SHC2: variants seen among roughly 807,000 people sequenced by gnomAD.
SHC2 encodes the protein SHC-transforming protein 2.
A neutral mutation model predicts 60.6 loss-of-function variants in SHC2; 62 were observed. The ratio of observed to expected loss-of-function variants is 1.02; its 90% confidence interval spans 0.83 to 1.26. The LOEUF is 1.26. Among genes scored for constraint, SHC2 ranks in the 50% most tolerant of loss-of-function variants. SHC2 has a pLI of 0.00. For synonymous variants in SHC2, 375 were observed against 372.4 expected, an observed-to-expected ratio of 1.01 and a Z score of -0.08; for missense variants, 873 against 822.2, an observed-to-expected ratio of 1.06 and a Z score of -0.76.
intron 4 of SHC2, among the ~76,000 whole-genome samples, 172 bp from the exon 5 acceptor site, chr19:436,855 C>A (rs1290862030): frequency 6.6e-6 from 1 of 152,096 alleles, no homozygotes; most frequent in Non-Finnish European, 1.5e-5. Flanking sequence ...CCTGGACGAC[C>A]GAGGCTGGGA....
intron 11 of SHC2, among the ~76,000 whole-genome samples, chr19:420,134 G>A (rs530833776): frequency 1.1e-4 from 17 of 152,172 alleles, no homozygotes; most frequent in Non-Finnish European, 2.2e-4. Context: ...TGACCCCAGC[G>A]ATCCATTTAA....
intron 1 of SHC2, among the ~76,000 whole-genome samples, chr19:455,513 C>T (rs1975321059): frequency 6.6e-6 from 1 of 152,222 alleles, no homozygotes; most frequent in East Asian, 1.9e-4. Flanking sequence ...GGGCCCACGC[C>T]GCTGATTATC....
Position 424,964 on chromosome 19 carries a change from G to A in SHC2, c.1309+133C>T. The A allele has an allele frequency of 9.8e-7, 1 of 1,016,472 alleles. No individual in the cohort carries two copies. The highest frequency in any genetic ancestry group is 2.9e-5 in the East Asian group (1 of 34,254). The allele number at this position is 1,016,472 out of a possible 1,614,324, so 63.0% of individuals were successfully genotyped here. ...TCCCCGTCCCACCCGTCGACTTGAA[G>A]GATCTCACGGGGAGAAGGGAGCCTC... On this transcript the variant is annotated intron_variant, in intron 10 of 12. Coordinates refer to ENST00000264554, the MANE Select transcript of SHC2 (RefSeq NM_012435.3). This position sits in a 1 kb window ranked among gnomAD's most constrained non-coding sequence, Gnocchi z 4.5.
chr19:436,110 C>G (rs1396733619), intron 7 of SHC2, 55 bp downstream of exon 7: 2 of 1,588,896 alleles, frequency 1.3e-6, no homozygotes, highest in African/African-American at 2.7e-5. Context: ...AGGCTCTGCA[C>G]CTGGGCAGGT....
chr19:422,573 G>T lies in SHC2; in HGVS notation c.1310-117C>A. ...GTCCCTCGTGCACCCGTCGGCCTGC[G>T]CTGACCGAGCGCCCACAGCGTATCA... On this transcript the variant is annotated intron_variant, in intron 10 of 12. Transcript: ENST00000264554. This position sits in a 1 kb window ranked among gnomAD's most constrained non-coding sequence, Gnocchi z 5.0. 1.2e-6 allele frequency: 1 copy of T among 829,196 alleles called. No individual in the cohort carries two copies. The highest frequency in any genetic ancestry group is 1.8e-6 in the Non-Finnish European group (1 of 541,626). The allele number at this position is 829,196 out of a possible 1,614,324, so 51.4% of individuals were successfully genotyped here. A position where few individuals can be genotyped will look rare whatever the true frequency, so the allele number is the denominator to read the frequency against.
Position 446,153 on chromosome 19 carries a change from C to T in SHC2, c.469-5221G>A, listed in dbSNP as rs1023526879. ...CAGCCGAGGACACCAAGGCCGGCCCCCAGGCACCAGACACGGGAGAGAGGC... is the reference window on the plus strand; with the variant it reads ...CAGCCGAGGACACCAAGGCCGGCCCTCAGGCACCAGACACGGGAGAGAGGC... On this transcript the variant is annotated intron_variant, in intron 1 of 12. Transcript: ENST00000264554. This position sits in a 1 kb window ranked among gnomAD's most constrained non-coding sequence, Gnocchi z 5.4. Among the ~76,000 whole-genome samples, 7 of 152,124 alleles carry T rather than the reference C, an allele frequency of 4.6e-5. No individual in the cohort carries two copies. Among genetic ancestry groups the T allele is most frequent in the African/African-American group, 1.7e-4 (7 of 41,408 alleles).
chr19:455,321 G>A (rs1022664462), intron 1 of SHC2, among the ~76,000 whole-genome samples: 9 of 152,194 alleles, frequency 5.9e-5, no homozygotes, highest in Non-Finnish European at 1.3e-4. Flanking sequence ...AAGGGCTCTC[G>A]GGCAGCTCTT....
At chr19:447,463 G>A (rs530047405) in intron 1 of SHC2, among the ~76,000 whole-genome samples, 5 of 152,334 alleles carry the variant, frequency 3.3e-5, no homozygotes, top group African/African-American at 1.2e-4. Context: ...TAGGGTATGC[G>A]AATTATATCT....
intron 8 of SHC2, among the ~76,000 whole-genome samples, chr19:431,308 G>C (rs1974585229): frequency 6.6e-6 from 1 of 151,496 alleles, no homozygotes; most frequent in African/African-American, 2.4e-5. Flanking sequence ...GTGAGAGTTA[G>C]AGGAGGCCGG....
At chr19:452,704 T>C (rs1438026248) in intron 1 of SHC2, among the ~76,000 whole-genome samples, 1 of 152,182 alleles carries the variant, frequency 6.6e-6, no homozygotes, top group African/African-American at 2.4e-5. Flanking sequence ...ATGCTTGCTA[T>C]AAATAGTGGT....
At chr19:460,037 A>G (rs1050140608) in intron 1 of SHC2, among the ~76,000 whole-genome samples, 7 of 152,342 alleles carry the variant, frequency 4.6e-5, no homozygotes, top group African/African-American at 1.7e-4. Context: ...GTAAATAAAC[A>G]AAGGCCGCTT....
chr19:454,790 CA>C (rs67330354), intron 1 of SHC2, among the ~76,000 whole-genome samples: 76,791 of 145,804 alleles, frequency 0.53, 19,924 homozygotes, highest in Non-Finnish European at 0.58. Context: ...AACTCTGTCT[CA>C]AAAAAAAAAA....
rs76217542 is a variant in SHC2, at chr19:425,370, C to A, written c.1175-139G>T. The A allele has an allele frequency of 0.038, 25,396 of 666,146 alleles. 1,803 individuals are homozygous for A. Among genetic ancestry groups the A allele is most frequent in the East Asian group, 0.29 (8,545 of 29,200 alleles). 41.3% of individuals were successfully genotyped at this position (666,146 alleles called of 1,614,324 possible). A position where few individuals can be genotyped will look rare whatever the true frequency, so the allele number is the denominator to read the frequency against. On this transcript the variant is annotated intron_variant, in intron 9 of 12. Transcript: ENST00000264554. This position sits in a 1 kb window ranked among gnomAD's most constrained non-coding sequence, Gnocchi z 4.1. ...GCAGGGCGGATGCTGCTCTGGTCTC[C>A]CTGTGGTAACCCGCCCGTCTGCAGG...
intron 9 of SHC2, among the ~76,000 whole-genome samples, chr19:427,344 G>A (rs901510914): frequency 2.0e-5 from 3 of 152,230 alleles, no homozygotes; most frequent in Non-Finnish European, 4.4e-5. Context: ...GGCAGTTCCC[G>A]GCTCAGCATG....
rs1046509894 is a variant in SHC2, at chr19:446,308, T to G, written c.469-5376A>C. Among the ~76,000 whole-genome samples, 5 of 152,154 alleles carry G rather than the reference T, an allele frequency of 3.3e-5. 1 individual carries two copies. Among genetic ancestry groups the G allele is most frequent in the Middle Eastern group, 6.8e-3 (2 of 294 alleles). The stretch of plus-strand genomic sequence containing the variant: ...GTGTGTGTGTGTTTTGTTTTGTTTT[T>G]GGGGTTTTTGTTTGTTTGTTTGAGA... On this transcript the variant is annotated intron_variant, in intron 1 of 12. Coordinates refer to ENST00000264554, the MANE Select transcript of SHC2 (RefSeq NM_012435.3). The surrounding 1 kb of genome is among the most constrained non-coding windows in gnomAD (Gnocchi z 5.4).
In SHC2 at chr19:436,106, T is replaced by C. The variant is rs958429729; in HGVS notation, c.953+59A>G. On this transcript the variant is annotated intron_variant, in intron 7 of 12. Transcript: ENST00000264554. ...GGCCTGCAGGAGGTGGAGCAGGCTC[T>C]GCACCTGGGCAGGTCACTGGGGGTG... 1.9e-6 allele frequency: 3 copies of C among 1,580,160 alleles called. No individual in the cohort carries two copies. In the African/African-American group the frequency reaches 4.0e-5, roughly 21 times the overall value.
At chr19:447,090 G>A (rs528718297) in intron 1 of SHC2, among the ~76,000 whole-genome samples, 2 of 152,300 alleles carry the variant, frequency 1.3e-5, no homozygotes, top group South Asian at 4.1e-4. Flanking sequence ...ATCTATCAAC[G>A]GATGAACTGA....
chr19:450,175 GA>G (rs1430460467), intron 1 of SHC2, among the ~76,000 whole-genome samples: 2 of 152,158 alleles, frequency 1.3e-5, no homozygotes, highest in South Asian at 2.1e-4. Context: ...GGCGCTACAG[GA>G]GGGGGGGGAC....
At position 438,826 on chromosome 19, in the gene SHC2, C is replaced by T; in HGVS notation, c.612G>A (p.Lys204=). 6.4e-7 allele frequency: 1 copy of T among 1,568,292 alleles called. No homozygotes were observed. Among genetic ancestry groups the T allele is most frequent in the Non-Finnish European group, 8.6e-7 (1 of 1,157,720 alleles). ...TCTTGCCCAGGACGGACGCCAGGGCCTTGTTGGGGGCCTGAGTTGGGGGCG... is the reference window on the plus strand; with the variant it reads ...TCTTGCCCAGGACGGACGCCAGGGCTTTGTTGGGGGCCTGAGTTGGGGGCG... ...RGSWKKKAPN[K]ALASVLGKSN... The change falls in exon 4 of 13, where the codon AAG becomes AAA. Residue 204 remains lysine, a synonymous_variant. Coordinates refer to ENST00000264554, the MANE Select transcript of SHC2 (RefSeq NM_012435.3). This position sits in a 1 kb window ranked among gnomAD's most constrained non-coding sequence, Gnocchi z 5.0.
Sources: gnomAD v4.1 joint callset for allele counts (sites outside exome capture counted in the v4.1 genomes callset) on GRCh38, gnomAD v4.1.1 for gene constraint, Gnocchi (gnomAD v3.1) non-coding constraint, MANE v1.5 for transcripts, NCBI Gene and HGNC (gene_info 2026-07-23, HGNC 2026-07-21) for gene names.